Variants in KLF12 observed in about 807,000 individuals in gnomAD.
The protein encoded by KLF12 is KLF transcription factor 12.
KLF12 carries 9 observed loss-of-function variants against 37.8 expected under a neutral mutation model. That is an observed-to-expected ratio of 0.24 (90% CI 0.14 to 0.42). The LOEUF (loss-of-function observed/expected upper bound fraction) is 0.42, where lower values mean the gene tolerates loss of function less well. Ranked by LOEUF, KLF12 falls within the 10% of genes least tolerant of loss-of-function variation. The probability of loss-of-function intolerance (pLI) is 1.00; values close to 1 mark genes in which losing one functional copy is unlikely to be tolerated. For synonymous variants in KLF12, 208 were observed against 202.1 expected, an observed-to-expected ratio of 1.03 and a Z score of -0.25; for missense variants, 411 against 516.0, an observed-to-expected ratio of 0.80 and a Z score of 1.97.
chr13:73,875,074 A>G (rs953523532), intron 3 of KLF12, among the ~76,000 whole-genome samples: 4 of 152,148 alleles, frequency 2.6e-5, no homozygotes, highest in African/African-American at 9.7e-5. Flanking sequence ...AGAATACTTA[A>G]GTGAAAAGAA....
chr13:74,216,112 T>C, the KLF12 span, among the ~76,000 whole-genome samples: 1 of 152,222 alleles, frequency 6.6e-6, no homozygotes, highest in Non-Finnish European at 1.5e-5. Context: ...TTTTGGCACT[T>C]GGCATTCACC....
At chr13:74,105,567 G>A (rs1876607038) in intron 1 of KLF12, among the ~76,000 whole-genome samples, 1 of 152,076 alleles carries the variant, frequency 6.6e-6, no homozygotes, top group South Asian at 2.1e-4. Flanking sequence ...GACGGGTAGA[G>A]AAGAGGGGAA....
the KLF12 span, among the ~76,000 whole-genome samples, chr13:74,239,236 T>G: frequency 3.7e-4 from 57 of 152,266 alleles, 1 homozygote; most frequent in South Asian, 2.9e-3. Context: ...TCATTTTCCA[T>G]GTAGTTGAGC....
intron 3 of KLF12, among the ~76,000 whole-genome samples, chr13:73,916,532 A>G (rs1415872068): frequency 6.6e-6 from 1 of 152,212 alleles, no homozygotes; most frequent in African/African-American, 2.4e-5. Flanking sequence ...CATTATGTTG[A>G]ATGTAGCACT....
chr13:73,933,422 C>G, intron 3 of KLF12, among the ~76,000 whole-genome samples: 1 of 152,072 alleles, frequency 6.6e-6, no homozygotes, highest in East Asian at 1.9e-4. Flanking sequence ...TCTAATTTCT[C>G]TTGATAGGTT....
rs1051824443 is a variant in KLF12 at position 73,867,192 on chromosome 13, G to C, written c.124-20819C>G. On this transcript the variant is annotated intron_variant, in intron 3 of 7. Coordinates refer to ENST00000377669, the MANE Select transcript of KLF12 (RefSeq NM_007249.5). Reference sequence around the variant, plus strand: ...TTCGATTTTTAAGAAAAACTTAAATGTAGTAACTCTTAAATATAAGAAAAT... The same window carrying C: ...TTCGATTTTTAAGAAAAACTTAAATCTAGTAACTCTTAAATATAAGAAAAT... 1.4e-4 allele frequency among the ~76,000 whole-genome samples: 21 copies of C among 152,122 alleles called. No homozygotes were observed. The East Asian group carries it at 3.7e-3, about 27-fold the overall frequency.
In KLF12 at chr13:73,859,255, G is replaced by A. The variant is rs533854299; in HGVS notation, c.124-12882C>T. Reference sequence around the variant, plus strand: ...AGGACCACATGCAAAACAGGGAGCAGGGGCAGGCAAGAGCTTTCTCTTCCG... The same window carrying A: ...AGGACCACATGCAAAACAGGGAGCAAGGGCAGGCAAGAGCTTTCTCTTCCG... On this transcript the variant is annotated intron_variant, in intron 3 of 7. Coordinates refer to ENST00000377669, the MANE Select transcript of KLF12 (RefSeq NM_007249.5). Among the ~76,000 whole-genome samples, 8 of 152,314 alleles carry A rather than the reference G, an allele frequency of 5.3e-5. No individual in the cohort carries two copies. In the East Asian group the frequency reaches 1.2e-3, roughly 22 times the overall value.
Position 73,695,522 on chromosome 13 carries a change from C to A in KLF12, c.1177G>T (p.Ala393Ser). The change falls in exon 8 of 8, where the codon GCC (alanine) becomes TCC (serine). Residue 393 changes from alanine to serine, a missense_variant. Ala to Ser is a moderately conservative substitution (Grantham distance 99). Around this residue, in one of 2 missense-constraint regions of KLF12, gnomAD observed 60 missense variants for 118.2 expected, o/e 0.51. Transcript: ENST00000377669. ...AACATATGCCTCCGGCGGTGCAGGG[C>A]CAAATGATCTGACCGGGAAAAGCTG... 6.2e-7 allele frequency: 1 copy of A among 1,614,014 alleles called. No individual in the cohort carries two copies. The highest frequency in any genetic ancestry group is 8.5e-7 in the Non-Finnish European group (1 of 1,179,962).
chr13:74,012,460 ATG>A (rs1327057495), intron 1 of KLF12, among the ~76,000 whole-genome samples: 2 of 152,184 alleles, frequency 1.3e-5, no homozygotes, highest in Non-Finnish European at 2.9e-5. Flanking sequence ...ATAAAATAAA[ATG>A]TCACCTATTT....
At chr13:73,963,674 C>T (rs371898957) in intron 2 of KLF12, among the ~76,000 whole-genome samples, 2 of 152,100 alleles carry the variant, frequency 1.3e-5, no homozygotes, top group East Asian at 1.9e-4. Flanking sequence ...ACTCGTATGA[C>T]GCTAATAATG....
chr13:73,701,533 T>A (rs1225472930), intron 7 of KLF12, among the ~76,000 whole-genome samples: 1 of 152,252 alleles, frequency 6.6e-6, no homozygotes, highest in Non-Finnish European at 1.5e-5. Flanking sequence ...TTGACTTTAC[T>A]TTGATTTGAT....
chr13:73,715,565 A>G (rs1460212979), intron 6 of KLF12, 40 bp from the exon 7 acceptor site: 1 of 1,599,776 alleles, frequency 6.3e-7, no homozygotes, highest in African/African-American at 1.3e-5. Context: ...TGAGATGCAC[A>G]CCGCCCCATT....
chr13:74,202,151 T>C, the KLF12 span, among the ~76,000 whole-genome samples: 2 of 152,188 alleles, frequency 1.3e-5, no homozygotes, highest in Non-Finnish European at 2.9e-5. Flanking sequence ...AAAGGTCTTT[T>C]GTATTTCCAC....
the KLF12 span, among the ~76,000 whole-genome samples, chr13:74,247,885 G>C: frequency 6.6e-6 from 1 of 152,164 alleles, no homozygotes; most frequent in Non-Finnish European, 1.5e-5. Context: ...GGTGGGAAGG[G>C]GAGAGGATCA....
the KLF12 span, among the ~76,000 whole-genome samples, chr13:74,217,827 A>G: frequency 6.6e-6 from 1 of 152,240 alleles, no homozygotes; most frequent in Non-Finnish European, 1.5e-5. Context: ...ATGTATTCAT[A>G]TGCTAGATAT....
the KLF12 span, among the ~76,000 whole-genome samples, chr13:74,146,888 T>C: frequency 6.6e-6 from 1 of 152,236 alleles, no homozygotes; most frequent in Non-Finnish European, 1.5e-5. Context: ...GATTTGCACC[T>C]ACGTTGACTG....
At chr13:73,960,800 T>C (rs1029227607) in intron 2 of KLF12, among the ~76,000 whole-genome samples, 3 of 152,218 alleles carry the variant, frequency 2.0e-5, no homozygotes, top group African/African-American at 7.2e-5. Flanking sequence ...TATGTTATAC[T>C]GTTAACTCAT....
chr13:73,888,694 AAAAT>A (rs1346321834), intron 3 of KLF12, among the ~76,000 whole-genome samples: 10 of 152,242 alleles, frequency 6.6e-5, no homozygotes, highest in African/African-American at 2.4e-4. Context: ...AATTTTACAG[AAAAT>A]AAATGTTTTT....
chr13:73,925,487 C>G (rs1889330941), intron 3 of KLF12, among the ~76,000 whole-genome samples: 2 of 152,172 alleles, frequency 1.3e-5, no homozygotes, highest in South Asian at 4.1e-4. Context: ...ATTCAGAACA[C>G]AAGATTCCTT....
Sources: allele counts gnomAD v4.1 joint callset (sites outside exome capture counted in the v4.1 genomes callset), GRCh38; gene constraint gnomAD v4.1.1; regional missense constraint gnomAD v4.1.1; transcripts MANE v1.5; gene names NCBI Gene and HGNC (gene_info 2026-07-23, HGNC 2026-07-21).